RAB4B: variants seen among roughly 807,000 people sequenced by gnomAD.
RAB4B encodes ras-related protein Rab-4B.
RAB4B carries 15 observed loss-of-function variants against 28.3 expected under a neutral mutation model. The ratio of observed to expected loss-of-function variants is 0.53; its 90% confidence interval spans 0.35 to 0.82. The LOEUF (loss-of-function observed/expected upper bound fraction) is 0.82, where lower values mean the gene tolerates loss of function less well. RAB4B is among the 40% of genes least tolerant of loss of function. RAB4B has a pLI of 0.01. For missense variants in RAB4B, 244 were observed against 288.5 expected, an observed-to-expected ratio of 0.85 and a Z score of 1.12; for synonymous variants, 108 against 116.3, an observed-to-expected ratio of 0.93 and a Z score of 0.46.
intron 5 of RAB4B, 49 bp from the exon 6 acceptor site, chr19:40,786,616 A>G: frequency 1.2e-6 from 2 of 1,609,326 alleles, no homozygotes. Context: ...AGCTCAGTGG[A>G]GGGTGGGGAC....
chr19:40,784,120 C>G lies in RAB4B; in HGVS notation c.430+45C>G, dbSNP rs374233781. 2.3e-4 allele frequency: 364 copies of G among 1,553,336 alleles called. No individual in the cohort carries two copies. The Middle Eastern group carries it at 2.4e-3, about 10-fold the overall frequency. On this transcript the variant is annotated intron_variant, in intron 5 of 7. Transcript: ENST00000357052. Reference sequence around the variant, plus strand: ...CCAGGTGGTGGTGGGGGTGGACAGTCCACAGGGACCATGGGTTTACTGGCT... The same window carrying G: ...CCAGGTGGTGGTGGGGGTGGACAGTGCACAGGGACCATGGGTTTACTGGCT...
At chr19:40,785,372 G>C (rs767828356) in intron 5 of RAB4B, among the ~76,000 whole-genome samples, 2 of 150,042 alleles carry the variant, frequency 1.3e-5, no homozygotes. Context: ...AAGCCTGGGT[G>C]TGGTGGTATG....
chr19:40,781,036 G>A (rs981012995), intron 3 of RAB4B, among the ~76,000 whole-genome samples: 3 of 151,024 alleles, frequency 2.0e-5, no homozygotes, highest in African/African-American at 7.3e-5. Flanking sequence ...AGCACTGTGG[G>A]AGGCTGAGGC....
At chr19:40,782,087 A>G (rs1414351811) in intron 3 of RAB4B, among the ~76,000 whole-genome samples, 2 of 151,646 alleles carry the variant, frequency 1.3e-5, no homozygotes, top group South Asian at 2.1e-4. Context: ...AATAGAGGGA[A>G]TTCAGTCCAC....
Position 40,783,685 on chromosome 19 carries a change from G to A in RAB4B, c.213-93G>A, listed in dbSNP as rs929498284. 12 of 1,269,924 alleles carry A rather than the reference G, an allele frequency of 9.4e-6. No individual in the cohort carries two copies. The South Asian group carries it at 1.6e-4, about 17-fold the overall frequency. 78.7% of individuals were successfully genotyped at this position (1,269,924 alleles called of 1,614,324 possible). ...GGGGATGGGCCAGCAGTGAAGGGGG[G>A]GGCCTCCGAACCACCAGTCTGTCTC... On this transcript the variant is annotated intron_variant, in intron 3 of 7. Coordinates refer to ENST00000357052, the MANE Select transcript of RAB4B (RefSeq NM_016154.5).
Position 40,783,763 on chromosome 19 carries a change from C to T in RAB4B, c.213-15C>T. On this transcript the variant is annotated splice_polypyrimidine_tract_variant and intron_variant, in intron 3 of 7. Transcript: ENST00000357052. ...CCCCAGCCTTGGGGGTGACTGGGTC[C>T]CCCTGGCCCCACAGGTCAGTGACGC... is the stretch of plus-strand genomic sequence containing the variant. The T allele has an allele frequency of 1.3e-6, 2 of 1,545,916 alleles. No homozygotes were observed. The highest frequency in any genetic ancestry group is 8.7e-7 in the Non-Finnish European group (1 of 1,143,530).
At chr19:40,794,223 C>T (rs977615058) in intron 7 of RAB4B, among the ~76,000 whole-genome samples, 12 of 149,952 alleles carry the variant, frequency 8.0e-5, no homozygotes, top group South Asian at 2.1e-4. Flanking sequence ...TACAGGCGCC[C>T]GCCACCACGC....
chr19:40,780,603 C>A, intron 3 of RAB4B, 104 bp downstream of exon 3: 2 of 922,012 alleles, frequency 2.2e-6, no homozygotes, highest in Admixed American at 2.2e-5. Context: ...GCAGACAAGG[C>A]AGACAGAGAG....
rs988600055 is a variant in RAB4B, at chr19:40,782,000, G to A, written c.212+1501G>A. On this transcript the variant is annotated intron_variant, in intron 3 of 7. Transcript: ENST00000357052. ...CGCGCCACTGCACTCCAGCCTGGGC[G>A]ACAGAGCTAGGCTCCGTTTCAAAAA... Among the ~76,000 whole-genome samples, 175 of 136,068 alleles carry A rather than the reference G, an allele frequency of 1.3e-3. 2 individuals carry two copies. The highest frequency in any genetic ancestry group is 3.4e-4 in the Non-Finnish European group (22 of 65,594). The allele number at this position is 136,068 out of a possible 152,430, so 89.3% of individuals were successfully genotyped here. A position where few individuals can be genotyped will look rare whatever the true frequency, so the allele number is the denominator to read the frequency against.
At chr19:40,779,031 G>A in intron 1 of RAB4B, 1 of 985,648 alleles carries the variant, frequency 1.0e-6, no homozygotes, top group South Asian at 4.7e-5. Flanking sequence ...TAGAAGAGAA[G>A]GGAGAAGAGT....
intron 1 of RAB4B, among the ~76,000 whole-genome samples, chr19:40,778,671 A>G (rs927463132): frequency 2.0e-5 from 3 of 151,938 alleles, no homozygotes; most frequent in Non-Finnish European, 4.4e-5. Flanking sequence ...GTGGGCCTTA[A>G]TGGATCTGGG....
rs375836938 is a variant in RAB4B, at chr19:40,786,964, G to A, written c.*1G>A. On this transcript the variant is annotated 3_prime_UTR_variant, in exon 7 of 8. Transcript: ENST00000357052. Reference sequence around the variant, plus strand: ...GGCCCCTCAGCCGTGTGGCTGCTGAGCTCTGTGGAGCCAGGTGGGACACTG... The same window carrying A: ...GGCCCCTCAGCCGTGTGGCTGCTGAACTCTGTGGAGCCAGGTGGGACACTG... The A allele has an allele frequency of 1.9e-5, 31 of 1,613,578 alleles. 1 individual carries two copies. In the South Asian group the frequency reaches 3.4e-4, roughly 18 times the overall value.
chr19:40,787,305 C>T (rs1419276184), intron 7 of RAB4B, among the ~76,000 whole-genome samples: 1 of 151,916 alleles, frequency 6.6e-6, no homozygotes, highest in Non-Finnish European at 1.5e-5. Flanking sequence ...AAGGCCGAGG[C>T]GGGCGGATGA....
intron 7 of RAB4B, among the ~76,000 whole-genome samples, chr19:40,790,566 G>C (rs532757908): frequency 1.3e-5 from 2 of 151,238 alleles, no homozygotes; most frequent in African/African-American, 4.9e-5. Flanking sequence ...GTAGAGATGG[G>C]GTTTCACGGT....
intron 3 of RAB4B, 48 bp from the exon 4 acceptor site, chr19:40,783,730 G>A (rs1384885147): frequency 3.3e-6 from 5 of 1,500,070 alleles, no homozygotes; most frequent in South Asian, 2.7e-5. Context: ...GGGCATTCTC[G>A]GGGCAGACCC....
chr19:40,778,640 A>C (rs2083017982), intron 1 of RAB4B, among the ~76,000 whole-genome samples: 1 of 152,070 alleles, frequency 6.6e-6, no homozygotes. Context: ...TGAGGGGTTC[A>C]GGGAGGCCCT....
At position 40,781,316 on chromosome 19, in the gene RAB4B, A is replaced by G. The variant is rs562634177; in HGVS notation, c.212+817A>G. Among the ~76,000 whole-genome samples the G allele has an allele frequency of 1.0e-3, 135 of 133,980 alleles. 1 individual carries two copies. The South Asian group carries it at 0.01, about 10-fold the overall frequency. The allele number at this position is 133,980 out of a possible 152,430, so 87.9% of individuals were successfully genotyped here. On this transcript the variant is annotated intron_variant, in intron 3 of 7. Transcript: ENST00000357052. ...TAAATAAATAAATAAATAAATGAATAAATAAATAAATAAATAAATAAATAA... is the reference window on the plus strand; with the variant it reads ...TAAATAAATAAATAAATAAATGAATGAATAAATAAATAAATAAATAAATAA...
In RAB4B at chr19:40,784,431, T is replaced by C. The variant is rs186615324; in HGVS notation, c.430+356T>C. 2.0e-5 allele frequency among the ~76,000 whole-genome samples: 3 copies of C among 152,280 alleles called. No individual in the cohort carries two copies. In the East Asian group the frequency reaches 5.8e-4, roughly 29 times the overall value. On this transcript the variant is annotated intron_variant, in intron 5 of 7. Transcript: ENST00000357052. Reference sequence around the variant, plus strand: ...TCACCTGAGCCTGAGAGTTTAAGACTGCAGTGAGCTGTGATCACGCCATTG... The same window carrying C: ...TCACCTGAGCCTGAGAGTTTAAGACCGCAGTGAGCTGTGATCACGCCATTG...
chr19:40,782,180 C>T lies in RAB4B; in HGVS notation c.213-1598C>T, dbSNP rs1223738725. On this transcript the variant is annotated intron_variant, in intron 3 of 7. Transcript: ENST00000357052. ...ATTAACTGCCTGAGGTGCACAGAGC[C>T]CAAAGGCAGAGAGAGGGGCTGAAGG... 2.0e-5 allele frequency among the ~76,000 whole-genome samples: 3 copies of T among 151,834 alleles called. No homozygotes were observed. The East Asian group carries it at 5.8e-4, about 29-fold the overall frequency.
Sources: gnomAD v4.1 joint callset for allele counts (sites outside exome capture counted in the v4.1 genomes callset) on GRCh38, gnomAD v4.1.1 for gene constraint, MANE v1.5 for transcripts, NCBI Gene and HGNC (gene_info 2026-07-23, HGNC 2026-07-21) for gene names.